The following CNTNAP2 variants were observed in gnomAD, a reference collection of about 807,000 sequenced individuals.
The protein encoded by CNTNAP2 is contactin-associated protein-like 2.
CNTNAP2 carries 98 observed loss-of-function variants against 155.2 expected under a neutral mutation model. The observed-to-expected ratio is 0.63, with a 90% CI of 0.54 to 0.75. The LOEUF is 0.75. CNTNAP2 is among the 30% of genes least tolerant of loss of function. CNTNAP2 has a pLI of 0.00. For missense variants in CNTNAP2, 1,727 were observed against 1,688.1 expected (o/e 1.02, Z -0.40); for synonymous variants, 651 against 631.2 (o/e 1.03, Z -0.47).
intron 1 of CNTNAP2, among the ~76,000 whole-genome samples, chr7:146,670,310 A>G (rs1800280066): frequency 6.6e-6 from 1 of 152,058 alleles, no homozygotes; most frequent in South Asian, 2.1e-4. Flanking sequence ...AAGCAACTAA[A>G]CGTTGACCTA....
chr7:147,191,784 A>T (rs1188300408), intron 8 of CNTNAP2, among the ~76,000 whole-genome samples: 1 of 152,202 alleles, frequency 6.6e-6, no homozygotes, highest in Non-Finnish European at 1.5e-5. Flanking sequence ...CACGAATTAA[A>T]AAAAATGTAA....
At chr7:147,120,608 T>C (rs1322694243) in intron 5 of CNTNAP2, among the ~76,000 whole-genome samples, 4 of 151,848 alleles carry the variant, frequency 2.6e-5, no homozygotes, top group African/African-American at 4.8e-5. Context: ...TTTTATTTTA[T>C]TTATTTATTT....
At chr7:148,064,163 T>C (rs955589101) in intron 15 of CNTNAP2, among the ~76,000 whole-genome samples, 6 of 152,144 alleles carry the variant, frequency 3.9e-5, no homozygotes, top group African/African-American at 1.4e-4. Context: ...TCACGTAATG[T>C]AATGCCTCCA....
At chr7:146,759,454 G>A (rs1019683976) in intron 1 of CNTNAP2, among the ~76,000 whole-genome samples, 8 of 152,094 alleles carry the variant, frequency 5.3e-5, no homozygotes, top group African/African-American at 1.9e-4. Flanking sequence ...CAACACTTTG[G>A]GAGGCCGAGA....
At chr7:148,256,052 T>G (rs1796448083) in intron 20 of CNTNAP2, among the ~76,000 whole-genome samples, 1 of 152,140 alleles carries the variant, frequency 6.6e-6, no homozygotes. Flanking sequence ...TTGACAATCT[T>G]ATGGCTGAAT....
At chr7:148,138,429 G>C (rs1264912167) in intron 16 of CNTNAP2, among the ~76,000 whole-genome samples, 1 of 152,110 alleles carries the variant, frequency 6.6e-6, no homozygotes, top group African/African-American at 2.4e-5. Context: ...ACTCTCCAAA[G>C]CCATGTATTT....
intron 1 of CNTNAP2, among the ~76,000 whole-genome samples, chr7:146,305,819 A>C (rs907240222): frequency 6.6e-6 from 1 of 152,276 alleles, no homozygotes; most frequent in East Asian, 1.9e-4. Context: ...TGACATCCTA[A>C]CATCACAATT....
chr7:147,389,219 C>G (rs1193571595), intron 9 of CNTNAP2, among the ~76,000 whole-genome samples: 1 of 152,096 alleles, frequency 6.6e-6, no homozygotes, highest in Non-Finnish European at 1.5e-5. Flanking sequence ...ACAGTAGAGA[C>G]TAGTAGATAT....
At chr7:146,281,043 G>T (rs1468501549) in intron 1 of CNTNAP2, among the ~76,000 whole-genome samples, 1 of 152,126 alleles carries the variant, frequency 6.6e-6, no homozygotes, top group Admixed American at 6.6e-5. Flanking sequence ...TGAGGATGAG[G>T]GTTGACCTAC....
At chr7:148,080,699 A>G (rs1423553753) in intron 15 of CNTNAP2, among the ~76,000 whole-genome samples, 1 of 152,098 alleles carries the variant, frequency 6.6e-6, no homozygotes, top group Non-Finnish European at 1.5e-5. Flanking sequence ...TAATCCAAAA[A>G]CTGTTTAATT....
chr7:146,133,626 A>G (rs1006578509), intron 1 of CNTNAP2, among the ~76,000 whole-genome samples: 1 of 152,206 alleles, frequency 6.6e-6, no homozygotes. Context: ...TCAGCTTTCT[A>G]CATATGGCTA....
At chr7:147,073,327 A>C (rs1799934153) in intron 4 of CNTNAP2, among the ~76,000 whole-genome samples, 1 of 151,546 alleles carries the variant, frequency 6.6e-6, no homozygotes, top group Non-Finnish European at 1.5e-5. Context: ...AAAAAAAAAA[A>C]ACCACAAATA....
intron 10 of CNTNAP2, among the ~76,000 whole-genome samples, chr7:147,413,502 A>G (rs1797138039): frequency 6.6e-6 from 1 of 152,212 alleles, no homozygotes; most frequent in Admixed American, 6.5e-5. Context: ...AATAACAGGG[A>G]TTAGTGAGAG....
intron 1 of CNTNAP2, among the ~76,000 whole-genome samples, chr7:146,284,235 T>C (rs1800293706): frequency 6.6e-6 from 1 of 152,202 alleles, no homozygotes; most frequent in Non-Finnish European, 1.5e-5. Flanking sequence ...ATTGTATCGT[T>C]AGCATTGCAC....
chr7:147,583,561 C>A (rs1460542749), intron 12 of CNTNAP2, among the ~76,000 whole-genome samples: 1 of 143,694 alleles, frequency 7.0e-6, no homozygotes, highest in Non-Finnish European at 1.5e-5. Flanking sequence ...TTAGTTCTTT[C>A]TGACTTACAA....
At position 146,200,446 on chromosome 7, in the gene CNTNAP2, A is replaced by T. The variant is rs185809852; in HGVS notation, c.97+83473A>T. On this transcript the variant is annotated intron_variant, in intron 1 of 23. Coordinates refer to ENST00000361727, the MANE Select transcript of CNTNAP2 (RefSeq NM_014141.6). ...AAGGCGGAGGTTGCAGTGAGCTGAGATTGCACCACTGCACTCCAGCCTGGT... is the reference window on the plus strand; with the variant it reads ...AAGGCGGAGGTTGCAGTGAGCTGAGTTTGCACCACTGCACTCCAGCCTGGT... 1.1e-3 allele frequency among the ~76,000 whole-genome samples: 162 copies of T among 152,020 alleles called. 3 individuals carry two copies. The East Asian group carries it at 0.026, about 25-fold the overall frequency.
intron 15 of CNTNAP2, among the ~76,000 whole-genome samples, chr7:148,092,768 G>A (rs1030180159): frequency 4.0e-5 from 6 of 151,226 alleles, no homozygotes; most frequent in Admixed American, 6.6e-5. Flanking sequence ...GGAAGAGGAC[G>A]ACAGAAAGCA....
intron 1 of CNTNAP2, among the ~76,000 whole-genome samples, chr7:146,695,673 T>C (rs1800770547): frequency 6.6e-6 from 1 of 152,100 alleles, no homozygotes; most frequent in Admixed American, 6.6e-5. Context: ...GCAATTCACC[T>C]GCCTCAGCCT....
At chr7:148,147,847 GTCTC>G in intron 17 of CNTNAP2, 138 bp downstream of exon 17, 1 of 844,822 alleles carries the variant, frequency 1.2e-6, no homozygotes, top group Non-Finnish European at 1.9e-6. Flanking sequence ...GCCTCTTGTA[GTCTC>G]CTTCAAGACA....
Sources: gnomAD v4.1 joint callset for allele counts (sites outside exome capture counted in the v4.1 genomes callset) on GRCh38, gnomAD v4.1.1 for gene constraint, MANE v1.5 for transcripts, NCBI Gene and HGNC (gene_info 2026-07-23, HGNC 2026-07-21) for gene names.